The following LAMA4 variants were observed in gnomAD, a reference collection of about 807,000 sequenced individuals.
The protein encoded by LAMA4 is laminin subunit alpha-4.
A neutral mutation model predicts 207.1 loss-of-function variants in LAMA4; 127 were observed. The ratio of observed to expected loss-of-function variants is 0.61; its 90% confidence interval spans 0.53 to 0.71. The LOEUF (loss-of-function observed/expected upper bound fraction) is 0.71. Ranked by LOEUF, LAMA4 falls within the 30% of genes least tolerant of loss-of-function variation. The probability of loss-of-function intolerance (pLI) is 0.00; values close to 1 mark genes in which losing one functional copy is unlikely to be tolerated. For synonymous variants in LAMA4, 761 were observed against 816.0 expected, an observed-to-expected ratio of 0.93 and a Z score of 1.15; for missense variants, 2,093 against 2,246.5, an observed-to-expected ratio of 0.93 and a Z score of 1.38.
intron 10 of LAMA4, among the ~76,000 whole-genome samples, chr6:112,177,342 C>T (rs1782083447): frequency 6.6e-6 from 1 of 152,148 alleles, no homozygotes; most frequent in Non-Finnish European, 1.5e-5. Flanking sequence ...CTACTGTGCC[C>T]TGGGATGCAC....
rs2072019 is a variant in LAMA4 at position 112,139,339 on chromosome 6, G to A, written c.3111-48C>T. The A allele has an allele frequency of 0.27, 429,912 of 1,598,806 alleles. 59,894 individuals carry two copies. The highest frequency in any genetic ancestry group is 0.42 in the East Asian group (18,840 of 44,758). On this transcript the variant is annotated intron_variant, in intron 23 of 38. Coordinates refer to ENST00000230538, the MANE Select transcript of LAMA4 (RefSeq NM_001105206.3). ...ATTTGAACACTACAGTTTCTGTTATGCTTTTCAAGTGAAGCCCTTTTAACC... is the reference window on the plus strand; with the variant it reads ...ATTTGAACACTACAGTTTCTGTTATACTTTTCAAGTGAAGCCCTTTTAACC...
At chr6:112,133,124 T>C (rs1293424263) in intron 27 of LAMA4, among the ~76,000 whole-genome samples, 2 of 152,188 alleles carry the variant, frequency 1.3e-5, no homozygotes, top group Non-Finnish European at 2.9e-5. Context: ...ACACCCTCTC[T>C]GGGTGTTAGA....
At chr6:112,219,155 G>A (rs1375970954) in intron 2 of LAMA4, 1 of 152,154 alleles carries the variant, frequency 6.6e-6, no homozygotes, top group African/African-American at 2.4e-5. Flanking sequence ...AATTTCGAAG[G>A]ACCTGGCAAA....
At chr6:112,223,665 T>G (rs1554361350) in intron 2 of LAMA4, among the ~76,000 whole-genome samples, 1 of 152,228 alleles carries the variant, frequency 6.6e-6, no homozygotes, top group Admixed American at 6.5e-5. Context: ...TAGATGACCC[T>G]GCTTCTGTCT....
Position 112,140,015 on chromosome 6 carries a change from A to C in LAMA4, c.2977-130T>G, listed in dbSNP as rs571246854. 2.0e-4 allele frequency: 182 copies of C among 891,834 alleles called. No individual in the cohort carries two copies. The African/African-American group carries it at 2.8e-3, about 14-fold the overall frequency. The allele number at this position is 891,834 out of a possible 1,614,324, so 55.2% of individuals were successfully genotyped here. A position where few individuals can be genotyped will look rare whatever the true frequency, so the allele number is the denominator to read the frequency against. On this transcript the variant is annotated intron_variant, in intron 22 of 38. Coordinates refer to ENST00000230538, the MANE Select transcript of LAMA4 (RefSeq NM_001105206.3). Reference sequence around the variant, plus strand: ...TTGTGGAAATATCTTTCTAGACCCGAGTGTGTTTATGCCAAATCATTTAGA... The same window carrying C: ...TTGTGGAAATATCTTTCTAGACCCGCGTGTGTTTATGCCAAATCATTTAGA...
In LAMA4 at chr6:112,187,568, T is replaced by A. The variant is rs9400522; in HGVS notation, c.848A>T (p.Asp283Val). The A allele has an allele frequency of 6.2e-7, 1 of 1,614,042 alleles. No homozygotes were observed. The highest frequency in any genetic ancestry group is 8.5e-7 in the Non-Finnish European group (1 of 1,179,990). ...CDKCVWDLTD[D>V]LRLAALSIEE... ...GATGGAGAGCGCTGCTAACCGCAGG[T>A]CATCAGTCAGGTCCCAGACGCACTT... The change falls in exon 8 of 39, where the codon GAC becomes GTC. Residue 283 changes from aspartate to valine, a missense_variant. Around this residue, in one of 3 missense-constraint regions of LAMA4, gnomAD observed 1,704 missense variants for 1,788.4 expected, o/e 0.95. Transcript: ENST00000230538.
rs550583863 is a variant in LAMA4 at position 112,159,045 on chromosome 6, G to A, written c.1669-165C>T. 1,111 of 603,222 alleles carry A rather than the reference G, an allele frequency of 1.8e-3. 4 individuals are homozygous for A. The highest frequency in any genetic ancestry group is 2.1e-3 in the Non-Finnish European group (731 of 342,758). 37.4% of individuals were successfully genotyped at this position (603,222 alleles called of 1,614,324 possible). On this transcript the variant is annotated intron_variant, in intron 13 of 38. Transcript: ENST00000230538. Reference sequence around the variant, plus strand: ...CTGTAAGTATATGTCTATTTATCCCGCATTGCCAGCTCTTTCTTCTGTATT... The same window carrying A: ...CTGTAAGTATATGTCTATTTATCCCACATTGCCAGCTCTTTCTTCTGTATT...
intron 28 of LAMA4, among the ~76,000 whole-genome samples, chr6:112,131,799 T>C (rs1169816681): frequency 2.0e-5 from 3 of 152,112 alleles, no homozygotes; most frequent in Admixed American, 6.6e-5. Flanking sequence ...TATAAATGTG[T>C]CAGATGCAGG....
intron 3 of LAMA4, among the ~76,000 whole-genome samples, chr6:112,215,099 C>A (rs2115054767): frequency 6.6e-6 from 1 of 152,136 alleles, no homozygotes; most frequent in East Asian, 1.9e-4. Flanking sequence ...TGGGATTTTT[C>A]CCCCCAAATG....
At chr6:112,153,499 G>T (rs1271536071) in intron 16 of LAMA4, among the ~76,000 whole-genome samples, 2 of 152,064 alleles carry the variant, frequency 1.3e-5, no homozygotes, top group Non-Finnish European at 2.9e-5. Flanking sequence ...AACTTTGAAG[G>T]GATGTGGGTA....
intron 2 of LAMA4, among the ~76,000 whole-genome samples, chr6:112,232,340 C>T (rs1411433056): frequency 2.6e-5 from 4 of 152,146 alleles, no homozygotes; most frequent in Non-Finnish European, 4.4e-5. Flanking sequence ...TCATAAGCTA[C>T]TTCTATTCCT....
At chr6:112,148,435 A>C in intron 17 of LAMA4, 99 bp from the exon 18 acceptor site, 1 of 1,326,146 alleles carries the variant, frequency 7.5e-7, no homozygotes, top group Non-Finnish European at 1.1e-6. Flanking sequence ...CAGATCTCAC[A>C]TTTTGGGCTC....
In LAMA4 at chr6:112,253,767, C is replaced by T. The variant is rs1554190346; in HGVS notation, c.195+189G>A. ...CACATTCCGAAGCCTCAACTTTCAA[C>T]TCTCAACATCCAAATGCAACTTACA... On this transcript the variant is annotated intron_variant, in intron 2 of 38. Transcript: ENST00000230538. The T allele has an allele frequency of 2.5e-6, 4 of 1,614,072 alleles. No homozygotes were observed. The South Asian group carries it at 4.4e-5, about 18-fold the overall frequency.
intron 34 of LAMA4, 96 bp downstream of exon 34, chr6:112,119,060 T>C (rs1393349916): frequency 1.2e-5 from 15 of 1,235,774 alleles, no homozygotes; most frequent in Non-Finnish European, 1.7e-5. Flanking sequence ...TTACTGGTGC[T>C]AGTTTCTAGT....
chr6:112,220,484 C>T (rs1784863762), intron 2 of LAMA4, among the ~76,000 whole-genome samples: 2 of 152,114 alleles, frequency 1.3e-5, no homozygotes, highest in African/African-American at 4.8e-5. Context: ...GGTGTATCTA[C>T]ATGTGTCAAT....
At chr6:112,183,466 G>A (rs113556111) in intron 9 of LAMA4, among the ~76,000 whole-genome samples, 2 of 152,048 alleles carry the variant, frequency 1.3e-5, no homozygotes, top group South Asian at 2.1e-4. Flanking sequence ...CTTCTTGTCC[G>A]GGAGCCTTTT....
chr6:112,216,551 T>C, intron 2 of LAMA4, 82 bp from the exon 3 acceptor site: 1 of 899,670 alleles, frequency 1.1e-6, no homozygotes, highest in Admixed American at 1.9e-5. Context: ...TCAGAGAAAG[T>C]GATTATTAAA....
At chr6:112,188,988 G>A in intron 7 of LAMA4, 122 bp downstream of exon 7, 1 of 737,798 alleles carries the variant, frequency 1.4e-6, no homozygotes, top group East Asian at 2.7e-5. Context: ...TGCAGAAAGG[G>A]TTAAGTCCAG....
At chr6:112,190,860 G>A (rs1261452416) in intron 6 of LAMA4, among the ~76,000 whole-genome samples, 1 of 150,620 alleles carries the variant, frequency 6.6e-6, no homozygotes, top group Admixed American at 6.6e-5. Flanking sequence ...TTTGAACCAT[G>A]CAAGGTTTCT....
Sources: allele counts gnomAD v4.1 joint callset (sites outside exome capture counted in the v4.1 genomes callset), GRCh38; gene constraint gnomAD v4.1.1; regional missense constraint gnomAD v4.1.1; transcripts MANE v1.5; gene names NCBI Gene and HGNC (gene_info 2026-07-23, HGNC 2026-07-21).